KCNH5: variants seen among roughly 807,000 people sequenced by gnomAD.
The protein encoded by KCNH5 is voltage-gated delayed rectifier potassium channel KCNH5.
A neutral mutation model predicts 96.1 loss-of-function variants in KCNH5; 46 were observed. The ratio of observed to expected loss-of-function variants is 0.48; its 90% CI spans 0.38 to 0.61. The LOEUF (loss-of-function observed/expected upper bound fraction) is 0.61, where lower values mean the gene tolerates loss of function less well. KCNH5 is among the 20% of genes least tolerant of loss of function. KCNH5 has a pLI of 0.00. For missense variants in KCNH5, 907 were observed against 1,225.8 expected (o/e 0.74, Z 3.88); for synonymous variants, 439 against 449.8 (o/e 0.98, Z 0.30).
chr14:63,044,568 A>G (rs1048982787), intron 1 of KCNH5, among the ~76,000 whole-genome samples: 1 of 152,232 alleles, frequency 6.6e-6, no homozygotes, highest in African/African-American at 2.4e-5. Flanking sequence ...CCATTTTGCA[A>G]GCACTGAACT....
chr14:62,983,335 C>T (rs1318620877), intron 5 of KCNH5, among the ~76,000 whole-genome samples: 1 of 151,102 alleles, frequency 6.6e-6, no homozygotes, highest in Non-Finnish European at 1.5e-5. Context: ...GATCACACCA[C>T]TCACTGCACT....
chr14:62,798,844 A>T (rs1886591607), intron 9 of KCNH5, among the ~76,000 whole-genome samples: 1 of 152,178 alleles, frequency 6.6e-6, no homozygotes, highest in African/African-American at 2.4e-5. Flanking sequence ...AAAAACATGA[A>T]ACTGCACCTG....
chr14:62,895,842 C>T (rs951969660), intron 7 of KCNH5, among the ~76,000 whole-genome samples: 2 of 152,104 alleles, frequency 1.3e-5, no homozygotes, highest in Non-Finnish European at 2.9e-5. Context: ...TTAGGAACAC[C>T]TCTATGTAGC....
intron 7 of KCNH5, among the ~76,000 whole-genome samples, chr14:62,913,784 AT>A (rs1284971276): frequency 8.5e-5 from 13 of 152,208 alleles, no homozygotes; most frequent in Non-Finnish European, 1.5e-5. Context: ...TATCAAAAAA[AT>A]GTATTCATCT....
intron 6 of KCNH5, among the ~76,000 whole-genome samples, chr14:62,966,638 T>C (rs1890310109): frequency 6.6e-6 from 1 of 152,234 alleles, no homozygotes; most frequent in African/African-American, 2.4e-5. Context: ...AGGACTCTCC[T>C]GCTCAGATAA....
intron 3 of KCNH5, 32 bp from the exon 4 acceptor site, chr14:63,001,491 T>C (rs930293389): frequency 1.3e-5 from 21 of 1,590,640 alleles, no homozygotes; most frequent in African/African-American, 2.7e-5. Context: ...GAAAGGACAT[T>C]AGAGTGTGGC....
chr14:63,023,688 A>T (rs920350594), intron 1 of KCNH5, among the ~76,000 whole-genome samples: 1 of 152,224 alleles, frequency 6.6e-6, no homozygotes, highest in African/African-American at 2.4e-5. Flanking sequence ...TGAAGTTCTC[A>T]ACACAGAATA....
intron 7 of KCNH5, among the ~76,000 whole-genome samples, chr14:62,935,799 C>G (rs1185870763): frequency 1.3e-5 from 2 of 152,188 alleles, no homozygotes; most frequent in Non-Finnish European, 2.9e-5. Flanking sequence ...AAGGGGCCTT[C>G]TGGAGTCAAG....
intron 2 of KCNH5, among the ~76,000 whole-genome samples, chr14:63,015,195 G>A (rs1423296176): frequency 6.6e-6 from 1 of 152,050 alleles, no homozygotes; most frequent in Non-Finnish European, 1.5e-5. Context: ...AGCCTGGATA[G>A]GCACCAGAAT....
intron 10 of KCNH5, among the ~76,000 whole-genome samples, chr14:62,770,863 C>T (rs8010200): frequency 0.53 from 81,073 of 152,020 alleles, 21,954 homozygotes; most frequent in South Asian, 0.8. Flanking sequence ...TTGGTTGTTA[C>T]AGACTGAATG....
chr14:62,926,274 T>C (rs17100536), intron 7 of KCNH5, among the ~76,000 whole-genome samples: 2,747 of 152,200 alleles, frequency 0.018, 80 homozygotes, highest in African/African-American at 0.062. Context: ...TTGAAACTTT[T>C]AGGTGGTCAT....
chr14:62,982,986 C>T (rs1399974270), intron 5 of KCNH5, among the ~76,000 whole-genome samples: 2 of 152,146 alleles, frequency 1.3e-5, no homozygotes, highest in Non-Finnish European at 2.9e-5. Context: ...TTTTGCTTTT[C>T]AACTACTGGC....
chr14:62,795,302 C>T (rs955258800), intron 9 of KCNH5, among the ~76,000 whole-genome samples: 2 of 152,120 alleles, frequency 1.3e-5, no homozygotes, highest in African/African-American at 4.8e-5. Context: ...CAAAATATAG[C>T]AGAGTTGGCC....
In KCNH5 at chr14:62,931,523, A is replaced by G. The variant is rs376208748; in HGVS notation, c.1369+18610T>C. 3.9e-4 allele frequency among the ~76,000 whole-genome samples: 59 copies of G among 152,318 alleles called. 3 individuals are homozygous for G. The South Asian group carries it at 8.3e-3, about 21-fold the overall frequency. On this transcript the variant is annotated intron_variant, in intron 7 of 10. Coordinates refer to ENST00000322893, the MANE Select transcript of KCNH5 (RefSeq NM_139318.5). ...AAGAACAAACAGAACAGTAGAACAGACAAAAGCAACAAAAGTTTGGAAGCT... is the reference window on the plus strand; with the variant it reads ...AAGAACAAACAGAACAGTAGAACAGGCAAAAGCAACAAAAGTTTGGAAGCT...
chr14:62,726,959 C>T (rs1205139425), intron 10 of KCNH5, among the ~76,000 whole-genome samples: 1 of 152,150 alleles, frequency 6.6e-6, no homozygotes, highest in East Asian at 1.9e-4. Flanking sequence ...TGAATAATGG[C>T]TGCAAAATAA....
intron 7 of KCNH5, among the ~76,000 whole-genome samples, chr14:62,877,451 A>C (rs1888398415): frequency 1.3e-5 from 2 of 152,218 alleles, no homozygotes; most frequent in Admixed American, 6.5e-5. Flanking sequence ...CTCATGTGAC[A>C]AAGGGCTAAT....
At chr14:62,734,996 T>C (rs1298951802) in intron 10 of KCNH5, among the ~76,000 whole-genome samples, 1 of 152,148 alleles carries the variant, frequency 6.6e-6, no homozygotes, top group Non-Finnish European at 1.5e-5. Context: ...ATGTACTCAT[T>C]TGAAGTCAAG....
Position 63,012,995 on chromosome 14 carries a change from G to GT in KCNH5, c.197+3835_197+3836insA, listed in dbSNP as rs1389904016. On this transcript the variant is annotated intron_variant, in intron 2 of 10. Coordinates refer to ENST00000322893, the MANE Select transcript of KCNH5 (RefSeq NM_139318.5). ...GGGATGAAAGGGAAAAGAAATAAAA[G>GT]GAAAAAAATAAAATAAAATAAAGAG... 1.6e-3 allele frequency among the ~76,000 whole-genome samples: 211 copies of GT among 132,934 alleles called. 1 individual carries two copies. Among genetic ancestry groups the GT allele is most frequent in the African/African-American group, 6.7e-3 (206 of 30,974 alleles). The allele number at this position is 132,934 out of a possible 152,430, so 87.2% of individuals were successfully genotyped here.
rs771874147 is a variant in KCNH5 at position 62,950,608 on chromosome 14, A to G, written c.943-49T>C. On this transcript the variant is annotated intron_variant, in intron 6 of 10. Coordinates refer to ENST00000322893, the MANE Select transcript of KCNH5 (RefSeq NM_139318.5). ...ATTACACCACATTTTCAGGAAAAAA[A>G]AAGGCTGGGGAAACAATACAATGGC... is the stretch of plus-strand genomic sequence containing the variant. 19 of 1,461,496 alleles carry G rather than the reference A, an allele frequency of 1.3e-5. No homozygotes were observed. In the East Asian group the frequency reaches 3.5e-4, roughly 27 times the overall value. The allele number at this position is 1,461,496 out of a possible 1,614,324, so 90.5% of individuals were successfully genotyped here.
Sources: allele counts gnomAD v4.1 joint callset (sites outside exome capture counted in the v4.1 genomes callset), GRCh38; gene constraint gnomAD v4.1.1; transcripts MANE v1.5; gene names NCBI Gene and HGNC (gene_info 2026-07-23, HGNC 2026-07-21).